GGT7: variants seen among roughly 807,000 people sequenced by gnomAD.
GGT7 encodes glutathione hydrolase 7.
A neutral mutation model predicts 69.2 loss-of-function variants in GGT7; 30 were observed. The ratio of observed to expected loss-of-function variants is 0.43; its 90% confidence interval spans 0.32 to 0.59. GGT7 has a LOEUF of 0.59. Among genes scored for constraint, GGT7 ranks in the 20% least tolerant of loss-of-function variants. The pLI is 0.05. For missense variants in GGT7, 733 were observed against 901.1 expected (o/e 0.81, Z 2.39); for synonymous variants, 388 against 391.8 (o/e 0.99, Z 0.12).
chr20:34,858,496 T>C (rs1276008300), intron 7 of GGT7, among the ~76,000 whole-genome samples: 1 of 152,206 alleles, frequency 6.6e-6, no homozygotes, highest in Admixed American at 6.5e-5. Flanking sequence ...TTCCCACAAC[T>C]GTATGGCAGA....
At position 34,851,383 on chromosome 20, in the gene GGT7, C is replaced by T. The variant is rs1381382923; in HGVS notation, c.1588-15G>A. The T allele has an allele frequency of 4.4e-6, 7 of 1,604,540 alleles. No individual in the cohort carries two copies. Among genetic ancestry groups the T allele is most frequent in the Non-Finnish European group, 5.1e-6 (6 of 1,174,854 alleles). On this transcript the variant is annotated splice_polypyrimidine_tract_variant and intron_variant, in intron 12 of 14. Coordinates refer to ENST00000336431, the MANE Select transcript of GGT7 (RefSeq NM_178026.3). ...ACTGAATTCTCCTGTTGTTAGAGGA[C>T]AGAGACCACAAGGGGCAGGTGGGGT...
Position 34,863,564 on chromosome 20 carries a change from CG to C in GGT7, c.170-17del, listed in dbSNP as rs1568941678. The C allele has an allele frequency of 3.3e-6, 5 of 1,532,184 alleles. No individual in the cohort carries two copies. Among genetic ancestry groups the C allele is most frequent in the Non-Finnish European group, 3.5e-6 (4 of 1,129,822 alleles). The allele number at this position is 1,532,184 out of a possible 1,614,324, so 94.9% of individuals were successfully genotyped here. ...GAGTCCGGGTCTGCGGGCAGGCAGCCGGGGTCGGTCTGGGCATCTCCTATCT... is the reference window on the plus strand; with the variant it reads ...GAGTCCGGGTCTGCGGGCAGGCAGCCGGGTCGGTCTGGGCATCTCCTATCT... On this transcript the variant is annotated splice_polypyrimidine_tract_variant and intron_variant, in intron 1 of 14. Coordinates refer to ENST00000336431, the MANE Select transcript of GGT7 (RefSeq NM_178026.3). The surrounding 1 kb of genome is among the most constrained non-coding windows in gnomAD (Gnocchi z 4.4).
intron 13 of GGT7, among the ~76,000 whole-genome samples, chr20:34,850,630 T>C (rs571484814): frequency 6.6e-6 from 1 of 152,326 alleles, no homozygotes; most frequent in East Asian, 1.9e-4. Flanking sequence ...TCTTTAAATG[T>C]TAGCTATTGT....
chr20:34,861,769 G>A (rs1475336779), intron 3 of GGT7, among the ~76,000 whole-genome samples: 1 of 152,016 alleles, frequency 6.6e-6, no homozygotes, highest in Non-Finnish European at 1.5e-5. Context: ...GGAGACCCAG[G>A]GTCCATGGAC....
intron 6 of GGT7, 79 bp from the exon 7 acceptor site, chr20:34,859,718 T>C (rs1236629401): frequency 1.6e-6 from 2 of 1,237,512 alleles, no homozygotes; most frequent in African/African-American, 1.5e-5. Flanking sequence ...ATGGGGTAGA[T>C]GGGGGCTGAG....
chr20:34,867,538 C>T (rs912195647), intron 1 of GGT7, among the ~76,000 whole-genome samples: 5 of 151,978 alleles, frequency 3.3e-5, no homozygotes, highest in Non-Finnish European at 7.4e-5. Flanking sequence ...CATAGCAAGA[C>T]TCCTGTCTCT....
intron 5 of GGT7, 38 bp downstream of exon 5, chr20:34,860,216 A>G (rs750652638): frequency 1.3e-6 from 2 of 1,502,880 alleles, no homozygotes; most frequent in African/African-American, 1.4e-5. Flanking sequence ...GGAGAGATGC[A>G]AACGGGGGTC....
intron 1 of GGT7, among the ~76,000 whole-genome samples, chr20:34,864,227 A>G (rs1266138665): frequency 6.6e-6 from 1 of 152,176 alleles, no homozygotes; most frequent in Non-Finnish European, 1.5e-5. Context: ...GTGACTTTTA[A>G]GCTGAAAACT....
At chr20:34,860,088 G>A (rs899099536) in intron 5 of GGT7, 46 bp from the exon 6 acceptor site, 18 of 866,994 alleles carry the variant, frequency 2.1e-5, no homozygotes, top group Non-Finnish European at 3.4e-5. Context: ...CTGGGGGAAT[G>A]AGGAGGGGTC....
In GGT7 at chr20:34,859,598, G is replaced by A. The variant is rs200005396; in HGVS notation, c.859C>T (p.Arg287Cys). Reference sequence around the variant, plus strand: ...GATGGCAGGAACGTCTCCCGGAAGCGCTCGGACATGTTGGGTGGCAGCTGT... The same window carrying A: ...GATGGCAGGAACGTCTCCCGGAAGCACTCGGACATGTTGGGTGGCAGCTGT... ...AEQLPPNMSE[R>C]FRETFLPSGR... The change falls in exon 7 of 15, where the codon CGC (arginine) becomes TGC (cysteine). Residue 287 changes from arginine (R) to cysteine (C), a missense_variant. Transcript: ENST00000336431. 11 of 1,601,772 alleles carry A rather than the reference G, an allele frequency of 6.9e-6. No individual in the cohort carries two copies. Among genetic ancestry groups the A allele is most frequent in the East Asian group, 2.2e-5 (1 of 44,478 alleles).
chr20:34,854,351 T>C (rs2079450918), intron 10 of GGT7, among the ~76,000 whole-genome samples, 180 bp downstream of exon 10: 1 of 152,198 alleles, frequency 6.6e-6, no homozygotes, highest in Admixed American at 6.5e-5. Context: ...GCCAACTCAT[T>C]GTGCTGATAG....
intron 4 of GGT7, among the ~76,000 whole-genome samples, chr20:34,860,779 A>AT (rs1185629943): frequency 6.6e-6 from 1 of 151,552 alleles, no homozygotes; most frequent in Non-Finnish European, 1.5e-5. Context: ...ATTTCAAAGC[A>AT]TTTTTTGTAG....
chr20:34,872,466 C>T, intron 1 of GGT7, 181 bp downstream of exon 1: 1 of 463,788 alleles, frequency 2.2e-6, no homozygotes, highest in Non-Finnish European at 3.6e-6. Context: ...CCTACGCCTC[C>T]AAGGCAGAAA....
intron 1 of GGT7, among the ~76,000 whole-genome samples, chr20:34,866,886 T>A (rs1460542541): frequency 6.6e-6 from 1 of 151,352 alleles, no homozygotes; most frequent in African/African-American, 2.4e-5. Context: ...CTGCTGTTTT[T>A]AAACTTTATT....
chr20:34,848,792 G>A (rs1293657715), intron 14 of GGT7, among the ~76,000 whole-genome samples: 1 of 152,120 alleles, frequency 6.6e-6, no homozygotes, highest in Non-Finnish European at 1.5e-5. Context: ...TTCCTCTATA[G>A]AATGGGGATA....
intron 7 of GGT7, among the ~76,000 whole-genome samples, chr20:34,857,984 AAGATCTGAT>A (rs1285528767): frequency 6.6e-6 from 1 of 152,094 alleles, no homozygotes. Context: ...CTTTTTATCA[AAGATCTGAT>A]GGTCTTTGTT....
In GGT7 at chr20:34,872,660, T is replaced by G. The variant is rs2079799912; in HGVS notation, c.156A>C (p.Gly52=). 6.8e-7 allele frequency: 1 copy of G among 1,478,352 alleles called. No individual in the cohort carries two copies. The highest frequency in any genetic ancestry group is 1.4e-5 in the South Asian group (1 of 72,420). The allele number at this position is 1,478,352 out of a possible 1,614,324, so 91.6% of individuals were successfully genotyped here. A position where few individuals can be genotyped will look rare whatever the true frequency, so the allele number is the denominator to read the frequency against. The stretch of plus-strand genomic sequence containing the variant: ...AGCGGGCCTCACCGGTGTCGGGGTC[T>G]CCCAGAAAGGCGTCCTCGTCCTTGC... ...RGRKDEDAFL[G]DPDTDPDSFL... The change falls in exon 1 of 15, where the codon GGA becomes GGC. Residue 52 remains glycine (G), a synonymous_variant. Coordinates refer to ENST00000336431, the MANE Select transcript of GGT7 (RefSeq NM_178026.3).
chr20:34,872,453 C>T, intron 1 of GGT7, 194 bp downstream of exon 1: 1 of 433,028 alleles, frequency 2.3e-6, no homozygotes, highest in Non-Finnish European at 4.0e-6. Flanking sequence ...TCCGTTGTCG[C>T]ATCCTACGCC....
chr20:34,862,684 T>C (rs1601240175), intron 3 of GGT7, 130 bp downstream of exon 3: 2 of 886,238 alleles, frequency 2.3e-6, no homozygotes, highest in East Asian at 4.9e-5. Context: ...AAATTTGGTG[T>C]AGAAAGAGAA....
Sources: gnomAD v4.1 joint callset for allele counts (sites outside exome capture counted in the v4.1 genomes callset) on GRCh38, gnomAD v4.1.1 for gene constraint, Gnocchi (gnomAD v3.1) non-coding constraint, MANE v1.5 for transcripts, NCBI Gene and HGNC (gene_info 2026-07-23, HGNC 2026-07-21) for gene names.